Variants in ASB3 observed in about 807,000 individuals in gnomAD.
ASB3 encodes ankyrin repeat and SOCS box containing 3, also known as ankyrin repeat and SOCS box protein 3.
A neutral mutation model predicts 54.5 loss-of-function variants in ASB3; 41 were observed. That is an observed-to-expected ratio of 0.75 (90% CI 0.59 to 0.98). The LOEUF (loss-of-function observed/expected upper bound fraction) is 0.98. ASB3 is among the 50% of genes least tolerant of loss of function. The pLI is 0.00. For missense variants in ASB3, 733 were observed against 620.0 expected (o/e 1.18, Z -1.94); for synonymous variants, 266 against 221.2 (o/e 1.20, Z -1.80).
At chr2:53,784,135 T>C (rs984145009) in intron 1 of ASB3, among the ~76,000 whole-genome samples, 1 of 152,204 alleles carries the variant, frequency 6.6e-6, no homozygotes, top group Non-Finnish European at 1.5e-5. Context: ...CAATCATACT[T>C]AATAGTTTTA....
At chr2:53,690,032 T>G (rs1668825874) in intron 9 of ASB3, among the ~76,000 whole-genome samples, 1 of 151,498 alleles carries the variant, frequency 6.6e-6, no homozygotes, top group South Asian at 2.1e-4. Flanking sequence ...CAGGAGGAGT[T>G]CAAGAGCAGC....
chr2:53,726,138 G>A (rs1023061558), intron 5 of ASB3, among the ~76,000 whole-genome samples: 1 of 151,742 alleles, frequency 6.6e-6, no homozygotes, highest in African/African-American at 2.4e-5. Flanking sequence ...AAACAATTCA[G>A]AGAGAAGAAA....
intron 5 of ASB3, among the ~76,000 whole-genome samples, chr2:53,724,455 C>T (rs1275874492): frequency 6.6e-6 from 1 of 151,954 alleles, no homozygotes; most frequent in Non-Finnish European, 1.5e-5. Context: ...AAAAATTAGC[C>T]AGGCATGGTG....
intron 2 of ASB3, among the ~76,000 whole-genome samples, chr2:53,752,766 T>A (rs534970632): frequency 6.6e-6 from 1 of 152,234 alleles, no homozygotes; most frequent in South Asian, 2.1e-4. Context: ...GTCTTAAAGT[T>A]AGAAAAAGTG....
At chr2:53,713,312 A>G (rs951848168) in intron 7 of ASB3, among the ~76,000 whole-genome samples, 1 of 152,236 alleles carries the variant, frequency 6.6e-6, no homozygotes, top group East Asian at 1.9e-4. Context: ...ATAATAGTGA[A>G]TTCAAGAAGG....
intron 1 of ASB3, among the ~76,000 whole-genome samples, chr2:53,779,549 A>G (rs1046392510): frequency 6.6e-6 from 1 of 151,692 alleles, no homozygotes; most frequent in Non-Finnish European, 1.5e-5. Flanking sequence ...CAATCCTCCC[A>G]CCTCAGCCTC....
intron 9 of ASB3, among the ~76,000 whole-genome samples, chr2:53,675,543 G>C (rs1344995660): frequency 1.3e-5 from 2 of 152,092 alleles, no homozygotes; most frequent in Admixed American, 1.3e-4. Flanking sequence ...GCTGAAATAA[G>C]GTCTAAATGG....
chr2:53,775,637 G>A (rs999281943), intron 1 of ASB3, among the ~76,000 whole-genome samples: 3 of 152,058 alleles, frequency 2.0e-5, no homozygotes, highest in Non-Finnish European at 2.9e-5. Context: ...CACCACGCCC[G>A]GCTAATTTTT....
intron 1 of ASB3, 27 bp from the exon 2 acceptor site, chr2:53,765,612 CTA>C: frequency 6.2e-7 from 1 of 1,613,138 alleles, no homozygotes; most frequent in Non-Finnish European, 8.5e-7. Flanking sequence ...AAGGATAATA[CTA>C]TAGTCAATAA....
At chr2:53,762,839 T>A (rs573122694) in intron 2 of ASB3, among the ~76,000 whole-genome samples, 2 of 152,006 alleles carry the variant, frequency 1.3e-5, no homozygotes, top group Non-Finnish European at 2.9e-5. Context: ...CATATTAAAC[T>A]TCTATGTAAT....
At chr2:53,718,171 G>T (rs1670501916) in intron 5 of ASB3, among the ~76,000 whole-genome samples, 2 of 152,118 alleles carry the variant, frequency 1.3e-5, no homozygotes, top group South Asian at 4.1e-4. Flanking sequence ...AAGACATCCA[G>T]ATAGAAGCAA....
intron 6 of ASB3, 114 bp downstream of exon 6, chr2:53,716,452 G>T: frequency 7.7e-7 from 1 of 1,295,960 alleles, no homozygotes; most frequent in Non-Finnish European, 1.1e-6. Flanking sequence ...CCAGCAGATT[G>T]GTAGGGAAGA....
intron 3 of ASB3, among the ~76,000 whole-genome samples, chr2:53,737,316 G>A (rs1373221661): frequency 6.6e-6 from 1 of 152,138 alleles, no homozygotes; most frequent in Non-Finnish European, 1.5e-5. Context: ...TGGGAAAGGT[G>A]TACTCCAACC....
chr2:53,676,891 C>G (rs1386596762), intron 9 of ASB3, among the ~76,000 whole-genome samples: 1 of 152,180 alleles, frequency 6.6e-6, no homozygotes, highest in Non-Finnish European at 1.5e-5. Flanking sequence ...GCCTCAGCCT[C>G]CCGAGTTGCT....
In ASB3 at chr2:53,693,873, T is replaced by C; in HGVS notation, c.1369+11A>G. 6.2e-7 allele frequency: 1 copy of C among 1,611,988 alleles called. No individual in the cohort carries two copies. The highest frequency in any genetic ancestry group is 8.5e-7 in the Non-Finnish European group (1 of 1,178,810). ...AGTAGTGAAGTGTGTTTAAAAGTTA[T>C]TCTTTCTTACCAATATGTTGCTGTA... is the stretch of plus-strand genomic sequence containing the variant. On this transcript the variant is annotated intron_variant, in intron 9 of 9. Coordinates refer to ENST00000263634, the MANE Select transcript of ASB3 (RefSeq NM_016115.5).
chr2:53,706,790 C>T (rs1270322564), intron 7 of ASB3, among the ~76,000 whole-genome samples: 1 of 152,022 alleles, frequency 6.6e-6, no homozygotes, highest in African/African-American at 2.4e-5. Flanking sequence ...CATTCTCAGC[C>T]CTGATTCTTA....
intron 5 of ASB3, among the ~76,000 whole-genome samples, chr2:53,726,742 A>C (rs910673760): frequency 6.0e-5 from 9 of 150,658 alleles, no homozygotes; most frequent in Non-Finnish European, 7.4e-5. Flanking sequence ...TGTTGCCCAG[A>C]CTGGAGTGCG....
intron 7 of ASB3, among the ~76,000 whole-genome samples, chr2:53,710,170 C>T (rs1670010490): frequency 6.6e-6 from 1 of 152,232 alleles, no homozygotes; most frequent in Non-Finnish European, 1.5e-5. Flanking sequence ...ACTCCAGAAG[C>T]TGCATGGCTG....
intron 3 of ASB3, among the ~76,000 whole-genome samples, chr2:53,733,584 A>G (rs1482869204): frequency 6.6e-6 from 1 of 151,960 alleles, no homozygotes; most frequent in Non-Finnish European, 1.5e-5. Flanking sequence ...TGGGACTACC[A>G]GCATGTGACA....
Sources: gnomAD v4.1 joint callset for allele counts (sites outside exome capture counted in the v4.1 genomes callset) on GRCh38, gnomAD v4.1.1 for gene constraint, MANE v1.5 for transcripts, NCBI Gene and HGNC (gene_info 2026-07-23, HGNC 2026-07-21) for gene names.